PRR16: variants seen among roughly 807,000 people sequenced by gnomAD.
PRR16 encodes the protein protein Largen.
Under a neutral mutation model 18.2 loss-of-function variants are expected in PRR16, and 6 were observed. The observed-to-expected ratio is 0.33, with a 90% CI of 0.18 to 0.65. The LOEUF (loss-of-function observed/expected upper bound fraction) is 0.65, where lower values mean the gene tolerates loss of function less well. Among genes scored for constraint, PRR16 ranks in the 30% least tolerant of loss-of-function variants. The pLI is 0.74. For missense variants in PRR16, 412 were observed against 376.6 expected (o/e 1.09, Z -0.78); for synonymous variants, 151 against 147.8 (o/e 1.02, Z -0.16).
intron 1 of PRR16, among the ~76,000 whole-genome samples, chr5:120,572,125 G>C (rs1047678762): frequency 6.6e-6 from 1 of 152,110 alleles, no homozygotes; most frequent in Non-Finnish European, 1.5e-5. Context: ...GTCTCGTACT[G>C]TATTGGTCAA....
chr5:120,778,752 C>G, the PRR16 span, among the ~76,000 whole-genome samples: 1 of 152,102 alleles, frequency 6.6e-6, no homozygotes, highest in Non-Finnish European at 1.5e-5. Flanking sequence ...CCCACAAAAT[C>G]CAACTTGCTG....
intron 1 of PRR16, among the ~76,000 whole-genome samples, chr5:120,480,123 A>G (rs1444624582): frequency 6.6e-6 from 1 of 152,222 alleles, no homozygotes; most frequent in African/African-American, 2.4e-5. Flanking sequence ...GTTAAAATAC[A>G]GAATAATATG....
intron 1 of PRR16, among the ~76,000 whole-genome samples, chr5:120,652,872 C>A (rs1348598197): frequency 1.3e-5 from 2 of 151,756 alleles, no homozygotes; most frequent in Non-Finnish European, 1.5e-5. Flanking sequence ...ATGTAAGATG[C>A]TAAAAATAGG....
intron 1 of PRR16, among the ~76,000 whole-genome samples, chr5:120,594,442 A>C (rs936597128): frequency 3.3e-5 from 5 of 151,990 alleles, no homozygotes; most frequent in Non-Finnish European, 7.4e-5. Context: ...AACACTGCTG[A>C]AAAGAAATCA....
chr5:120,501,034 T>C (rs1394594317), intron 1 of PRR16, among the ~76,000 whole-genome samples: 1 of 152,094 alleles, frequency 6.6e-6, no homozygotes, highest in Admixed American at 6.5e-5. Flanking sequence ...AAATATAAAA[T>C]GATAGATTAA....
At chr5:120,506,274 T>G (rs1050792064) in intron 1 of PRR16, among the ~76,000 whole-genome samples, 2 of 151,984 alleles carry the variant, frequency 1.3e-5, no homozygotes, top group Non-Finnish European at 2.9e-5. Context: ...CACATATATC[T>G]TTTTTTAAGG....
chr5:120,720,942 G>C, the PRR16 span, among the ~76,000 whole-genome samples: 1 of 151,844 alleles, frequency 6.6e-6, no homozygotes, highest in Non-Finnish European at 1.5e-5. Flanking sequence ...AGAGAACTAT[G>C]GTAATCTTTC....
chr5:120,465,290 C>T (rs548893504), intron 1 of PRR16, among the ~76,000 whole-genome samples: 9 of 152,338 alleles, frequency 5.9e-5, no homozygotes, highest in Admixed American at 3.9e-4. Context: ...ACGTCGTTAC[C>T]AGTAACTCTG....
intron 1 of PRR16, among the ~76,000 whole-genome samples, chr5:120,493,798 G>A (rs972847844): frequency 7.2e-5 from 11 of 152,032 alleles, no homozygotes; most frequent in African/African-American, 2.7e-4. Context: ...GTAATCTTTT[G>A]TGGTTAGGCT....
intron 1 of PRR16, among the ~76,000 whole-genome samples, chr5:120,545,433 C>T (rs1240177654): frequency 6.6e-6 from 1 of 152,008 alleles, no homozygotes; most frequent in African/African-American, 2.4e-5. Context: ...CAGTTGAAAA[C>T]TCATGTATGG....
chr5:120,555,941 A>G lies in PRR16; in HGVS notation c.159+91296A>G, dbSNP rs913179027. On this transcript the variant is annotated intron_variant, in intron 1 of 1. Coordinates refer to ENST00000407149, the MANE Select transcript of PRR16 (RefSeq NM_001300783.2). ...TTTTCATCTTGAAAAATTGATTAAA[A>G]AAGACTTTATTTCCATGGACAGAAG... Among the ~76,000 whole-genome samples the G allele has an allele frequency of 3.9e-5, 6 of 151,982 alleles. No individual in the cohort carries two copies. In the South Asian group the frequency reaches 1.2e-3, roughly 31 times the overall value.
chr5:120,674,893 A>T (rs995924222), intron 1 of PRR16, among the ~76,000 whole-genome samples: 2 of 151,894 alleles, frequency 1.3e-5, no homozygotes, highest in Non-Finnish European at 2.9e-5. Context: ...TAATATTTTT[A>T]AAATTTAACA....
At chr5:120,785,962 A>G in the PRR16 span, among the ~76,000 whole-genome samples, 2 of 146,444 alleles carry the variant, frequency 1.4e-5, no homozygotes, top group African/African-American at 4.9e-5. Context: ...CAATATATAT[A>G]TTTTAGTCAT....
intron 1 of PRR16, among the ~76,000 whole-genome samples, chr5:120,631,331 G>A (rs1190395874): frequency 6.6e-6 from 1 of 152,134 alleles, no homozygotes; most frequent in Non-Finnish European, 1.5e-5. Flanking sequence ...AAAGCCAAGA[G>A]AATCAACAGA....
the PRR16 span, among the ~76,000 whole-genome samples, chr5:120,699,911 G>T: frequency 1.3e-5 from 2 of 152,204 alleles, no homozygotes; most frequent in Non-Finnish European, 2.9e-5. Flanking sequence ...AGATGAGGAA[G>T]AAACTTGGGC....
At chr5:120,698,711 G>A in the PRR16 span, among the ~76,000 whole-genome samples, 1 of 152,062 alleles carries the variant, frequency 6.6e-6, no homozygotes, top group African/African-American at 2.4e-5. Flanking sequence ...CTGAGGACAG[G>A]CCTGAATTCT....
chr5:120,754,638 AAAG>A, the PRR16 span, among the ~76,000 whole-genome samples: 1 of 112,676 alleles, frequency 8.9e-6, no homozygotes, highest in Non-Finnish European at 1.7e-5. Flanking sequence ...TATAATATAT[AAAG>A]TATTTATATA....
intron 1 of PRR16, among the ~76,000 whole-genome samples, chr5:120,524,144 G>T (rs1751277748): frequency 1.3e-5 from 2 of 152,110 alleles, no homozygotes; most frequent in African/African-American, 4.8e-5. Context: ...GCACATAGCA[G>T]CTGGAACCAG....
At chr5:120,541,153 T>G (rs1397079715) in intron 1 of PRR16, among the ~76,000 whole-genome samples, 1 of 152,160 alleles carries the variant, frequency 6.6e-6, no homozygotes, top group African/African-American at 2.4e-5. Flanking sequence ...TTTTTGTTTC[T>G]TGTTTTTTTT....
Sources: gnomAD v4.1 joint callset for allele counts (sites outside exome capture counted in the v4.1 genomes callset) on GRCh38, gnomAD v4.1.1 for gene constraint, MANE v1.5 for transcripts, NCBI Gene and HGNC (gene_info 2026-07-23, HGNC 2026-07-21) for gene names.